The following CHRNA7 variants were observed in gnomAD, a reference collection of about 807,000 sequenced individuals.
CHRNA7 encodes neuronal acetylcholine receptor subunit alpha-7.
CHRNA7 carries 17 observed loss-of-function variants against 48.0 expected under a neutral mutation model. That is an observed-to-expected ratio of 0.35 (90% CI 0.24 to 0.53). The LOEUF is 0.53. Among genes scored for constraint, CHRNA7 ranks in the 20% least tolerant of loss-of-function variants. CHRNA7 has a pLI of 0.92. For synonymous variants in CHRNA7, 75 were observed against 242.3 expected, an observed-to-expected ratio of 0.31 and a Z score of 6.41; for missense variants, 155 against 577.7, an observed-to-expected ratio of 0.27 and a Z score of 7.50.
intron 2 of CHRNA7, among the ~76,000 whole-genome samples, chr15:32,039,893 G>T (rs931846257): frequency 6.6e-5 from 10 of 152,036 alleles, no homozygotes; most frequent in Admixed American, 3.3e-4. Flanking sequence ...ATCCTTGTAG[G>T]TCTAATAGTT....
At chr15:32,068,474 A>T (rs533142977) in intron 2 of CHRNA7, among the ~76,000 whole-genome samples, 2 of 152,342 alleles carry the variant, frequency 1.3e-5, no homozygotes, top group Admixed American at 1.3e-4. Flanking sequence ...ATAGGTTGAA[A>T]ATAAATAGAT....
At chr15:32,049,456 C>G (rs931111290) in intron 2 of CHRNA7, among the ~76,000 whole-genome samples, 17 of 152,242 alleles carry the variant, frequency 1.1e-4, no homozygotes, top group African/African-American at 4.1e-4. Flanking sequence ...TTATCAGAGA[C>G]TAGGATTGCA....
At chr15:32,138,731 A>ACGTTT (rs1555386941) in intron 4 of CHRNA7, among the ~76,000 whole-genome samples, 1 of 146,106 alleles carries the variant, frequency 6.8e-6, no homozygotes, top group African/African-American at 2.5e-5. Context: ...TTGACCTGTT[A>ACGTTT]TGTTTTGTTT....
intron 2 of CHRNA7, among the ~76,000 whole-genome samples, chr15:32,050,434 G>A (rs1052560475): frequency 5.3e-5 from 8 of 152,116 alleles, no homozygotes; most frequent in South Asian, 2.1e-4. Flanking sequence ...CCAGTTGATC[G>A]CATCGGCTCC....
Position 32,070,669 on chromosome 15 carries a change from C to CT in CHRNA7, c.196-30599dup, listed in dbSNP as rs71113441. Among the ~76,000 whole-genome samples the CT allele has an allele frequency of 7.6e-3, 310 of 40,874 alleles. 47 individuals are homozygous for CT. Among genetic ancestry groups the CT allele is most frequent in the Non-Finnish European group, 0.011 (241 of 22,072 alleles). 26.8% of individuals were successfully genotyped at this position (40,874 alleles called of 152,430 possible). A position where few individuals can be genotyped will look rare whatever the true frequency, so the allele number is the denominator to read the frequency against. On this transcript the variant is annotated intron_variant, in intron 2 of 9. Transcript: ENST00000306901. ...TGTGTGAACATGTGAGGTTTAGTTC[C>CT]TTTTTTTTTTTTTTTTTTTTTTTTT...
chr15:32,066,007 G>A (rs2049960057), intron 2 of CHRNA7, among the ~76,000 whole-genome samples: 1 of 152,252 alleles, frequency 6.6e-6, no homozygotes, highest in Admixed American at 6.5e-5. Context: ...ACTGGGGACA[G>A]AGCTGTCAGC....
intron 2 of CHRNA7, 70 bp from the exon 3 acceptor site, chr15:32,101,233 G>GAA: frequency 6.6e-7 from 1 of 1,516,888 alleles, no homozygotes; most frequent in South Asian, 1.2e-5. Flanking sequence ...ATCCCCATGT[G>GAA]AATAATTGTC....
chr15:32,143,179 C>T (rs1025524580), intron 4 of CHRNA7, among the ~76,000 whole-genome samples: 6 of 152,180 alleles, frequency 3.9e-5, no homozygotes, highest in African/African-American at 1.2e-4. Context: ...TCGTTATTTA[C>T]CCAGTAGTCA....
chr15:32,058,867 A>G (rs1316902421), intron 2 of CHRNA7, among the ~76,000 whole-genome samples: 1 of 152,204 alleles, frequency 6.6e-6, no homozygotes, highest in African/African-American at 2.4e-5. Context: ...TATGTATATA[A>G]CTTTAAAGAA....
In CHRNA7 at chr15:32,124,352, TA is replaced by T. The variant is rs1421060468; in HGVS notation, c.350+12455del. Among the ~76,000 whole-genome samples the T allele has an allele frequency of 4.6e-5, 7 of 152,184 alleles. No individual in the cohort carries two copies. The East Asian group carries it at 1.4e-3, about 29-fold the overall frequency. The stretch of plus-strand genomic sequence containing the variant: ...ATTGAGAAAACAAAGTGCTCATGAA[TA>T]ATTATGTTGCAGTGTGACTGCAAAA... On this transcript the variant is annotated intron_variant, in intron 4 of 9. Transcript: ENST00000306901.
intron 3 of CHRNA7, among the ~76,000 whole-genome samples, chr15:32,110,398 C>G (rs2050744020): frequency 6.6e-6 from 1 of 152,242 alleles, no homozygotes; most frequent in Admixed American, 6.5e-5. Context: ...AGGCAGCTGT[C>G]GATCCTGAAT....
chr15:32,096,073 G>A (rs2050463455), intron 2 of CHRNA7, among the ~76,000 whole-genome samples: 1 of 152,174 alleles, frequency 6.6e-6, no homozygotes, highest in African/African-American at 2.4e-5. Context: ...AAACAGAAAA[G>A]AGACATATAA....
chr15:32,148,854 C>T (rs549811886), intron 4 of CHRNA7, among the ~76,000 whole-genome samples: 63 of 152,362 alleles, frequency 4.1e-4, no homozygotes, highest in African/African-American at 1.5e-3. Flanking sequence ...TCCCACCATG[C>T]CCTCCGCCAG....
chr15:32,069,946 T>C (rs2050027191), intron 2 of CHRNA7, among the ~76,000 whole-genome samples: 1 of 152,192 alleles, frequency 6.6e-6, no homozygotes, highest in Non-Finnish European at 1.5e-5. Context: ...TATGCTATTT[T>C]TATAATTATT....
At chr15:32,124,461 A>G (rs2141304196) in intron 4 of CHRNA7, among the ~76,000 whole-genome samples, 1 of 152,360 alleles carries the variant, frequency 6.6e-6, no homozygotes, top group East Asian at 1.9e-4. Context: ...CTTACATGGA[A>G]TGAAATAAAA....
chr15:32,077,436 T>G (rs2050151890), intron 2 of CHRNA7, among the ~76,000 whole-genome samples: 1 of 152,180 alleles, frequency 6.6e-6, no homozygotes, highest in Non-Finnish European at 1.5e-5. Context: ...AATTCCTGTT[T>G]CTGTTTGTCC....
chr15:32,141,470 T>C (rs2051377390), intron 4 of CHRNA7, among the ~76,000 whole-genome samples: 1 of 152,230 alleles, frequency 6.6e-6, no homozygotes, highest in Admixed American at 6.5e-5. Flanking sequence ...AAGTCATTGG[T>C]AGCTTGATGG....
chr15:32,148,608 A>G (rs895318135), intron 4 of CHRNA7, among the ~76,000 whole-genome samples: 6 of 152,162 alleles, frequency 3.9e-5, no homozygotes, highest in African/African-American at 1.4e-4. Context: ...CACAGGGTCC[A>G]CCTGTGCCCC....
At position 32,030,880 on chromosome 15, in the gene CHRNA7, G is replaced by A. The variant is rs557721457; in HGVS notation, c.56-18G>A. 6.2e-7 allele frequency: 1 copy of A among 1,612,182 alleles called. No individual in the cohort carries two copies. The highest frequency in any genetic ancestry group is 1.3e-5 in the African/African-American group (1 of 74,880). On this transcript the variant is annotated intron_variant, in intron 1 of 9. Coordinates refer to ENST00000306901, the MANE Select transcript of CHRNA7 (RefSeq NM_000746.6). ...CCGGCCTGCCCTGAGCCCCCTGCCC[G>A]GGTCTTCTCTCCTTAAGTGTCCCTG...
Sources: allele counts gnomAD v4.1 joint callset (sites outside exome capture counted in the v4.1 genomes callset), GRCh38; gene constraint gnomAD v4.1.1; transcripts MANE v1.5; gene names NCBI Gene and HGNC (gene_info 2026-07-23, HGNC 2026-07-21).